The following USH1C variants were observed in gnomAD, a reference collection of about 807,000 sequenced individuals.
USH1C encodes harmonin.
Under a neutral mutation model 119.3 loss-of-function variants are expected in USH1C, and 90 were observed. The observed-to-expected ratio is 0.75, with a 90% CI of 0.64 to 0.90. The LOEUF is 0.90. USH1C is among the 40% of genes least tolerant of loss of function. The probability of loss-of-function intolerance (pLI) is 0.00; values close to 1 mark genes in which losing one functional copy is unlikely to be tolerated. For synonymous variants in USH1C, 465 were observed against 443.3 expected (o/e 1.05, Z -0.62); for missense variants, 1,165 against 1,167.7 (o/e 1.00, Z 0.03).
chr11:17,494,349 T>C lies in USH1C; in HGVS notation c.2683A>G (p.Asn895Asp), dbSNP rs1213699585. The C allele has an allele frequency of 8.1e-6, 13 of 1,607,218 alleles. No homozygotes were observed. Among genetic ancestry groups the C allele is most frequent in the Non-Finnish European group, 9.3e-6 (11 of 1,176,716 alleles). ...TDLLLKSKRG[N>D]QIHR is the part of the protein sequence containing the mutation. ...ACTGTTTCCTAACGGTGAATTTGGTTTCCCCTTTTGGACTTCAGAAGAAGG... is the reference window on the plus strand; with the variant it reads ...ACTGTTTCCTAACGGTGAATTTGGTCTCCCCTTTTGGACTTCAGAAGAAGG... Residue 895 changes from asparagine (N) to aspartate (D), a missense_variant, in exon 27 of 27, where the codon AAC becomes GAC. Transcript: ENST00000005226.
In USH1C at chr11:17,537,348, G is replaced by T. The variant is rs141785008; in HGVS notation, c.37-4026C>A. Among the ~76,000 whole-genome samples, 6 of 152,276 alleles carry T rather than the reference G, an allele frequency of 3.9e-5. 1 individual carries two copies. The highest frequency in any genetic ancestry group is 1.4e-4 in the African/African-American group (6 of 41,560). On this transcript the variant is annotated intron_variant, in intron 1 of 26. Coordinates refer to ENST00000005226, the MANE Select transcript of USH1C (RefSeq NM_153676.4). ...CAGGTACATACGAAGCACTAGGCAC[G>T]CAGTAAATCTCCCACACTCCTTTCT...
intron 1 of USH1C, among the ~76,000 whole-genome samples, chr11:17,539,005 C>T (rs1337703889): frequency 6.6e-6 from 1 of 152,180 alleles, no homozygotes; most frequent in East Asian, 1.9e-4. Context: ...AGAACCTGTT[C>T]ATAAAGCTTT....
At chr11:17,498,927 A>T (rs906075644) in intron 23 of USH1C, among the ~76,000 whole-genome samples, 2 of 152,236 alleles carry the variant, frequency 1.3e-5, no homozygotes, top group African/African-American at 4.8e-5. Context: ...CCCAGCACTT[A>T]ACATAATGCC....
intron 1 of USH1C, among the ~76,000 whole-genome samples, chr11:17,543,743 T>A (rs901591284): frequency 1.1e-4 from 16 of 152,006 alleles, no homozygotes; most frequent in African/African-American, 3.9e-4. Flanking sequence ...CAGCACCAGC[T>A]CCTCAGCTAC....
chr11:17,515,292 C>T (rs3765643), intron 15 of USH1C, among the ~76,000 whole-genome samples: 108,980 of 151,766 alleles, frequency 0.72, 39,155 homozygotes, highest in South Asian at 0.81. Context: ...TATACAAATC[C>T]TGATAGATGT....
intron 1 of USH1C, among the ~76,000 whole-genome samples, chr11:17,537,570 T>C (rs1851279408): frequency 1.3e-5 from 2 of 152,168 alleles, no homozygotes; most frequent in South Asian, 2.1e-4. Context: ...ATATTCTGGG[T>C]CTGCCTCCCC....
Position 17,494,258 on chromosome 11 carries a change from G to A in USH1C, c.*74C>T, listed in dbSNP as rs1371447617. The A allele has an allele frequency of 7.3e-6, 11 of 1,514,446 alleles. No individual in the cohort carries two copies. Among genetic ancestry groups the A allele is most frequent in the Non-Finnish European group, 2.7e-6 (3 of 1,106,850 alleles). 93.8% of individuals were successfully genotyped at this position (1,514,446 alleles called of 1,614,324 possible). On this transcript the variant is annotated 3_prime_UTR_variant, in exon 27 of 27. Coordinates refer to ENST00000005226, the MANE Select transcript of USH1C (RefSeq NM_153676.4). ...TCAGGTCCCAAGGATGCCATCTGGT[G>A]TGTGTAGTGTGGCCTCTCTCAAGGC...
intron 15 of USH1C, 122 bp from the exon 16 acceptor site, chr11:17,512,176 C>T: frequency 9.0e-7 from 1 of 1,116,096 alleles, no homozygotes; most frequent in South Asian, 1.3e-5. Context: ...CCCCAGCTCT[C>T]TCACCACTCT....
Position 17,523,545 on chromosome 11 carries a change from G to A in USH1C, c.760-67C>T. On this transcript the variant is annotated intron_variant, in intron 9 of 26. Coordinates refer to ENST00000005226, the MANE Select transcript of USH1C (RefSeq NM_153676.4). ...TGTACACTCGCTCATCTGCAGGACA[G>A]GCTCCCCCAGGGGCTCTGGGTCAGA... The A allele has an allele frequency of 4.7e-6, 7 of 1,491,742 alleles. No homozygotes were observed. The South Asian group carries it at 8.1e-5, about 17-fold the overall frequency. 92.4% of individuals were successfully genotyped at this position (1,491,742 alleles called of 1,614,324 possible).
At chr11:17,532,159 C>T (rs12287965) in intron 2 of USH1C, among the ~76,000 whole-genome samples, 10,132 of 152,218 alleles carry the variant, frequency 0.067, 571 homozygotes, top group Middle Eastern at 0.099. Context: ...TTATGATCTC[C>T]GTGCCCTCCC....
rs200490320 is a variant in USH1C, at chr11:17,521,007, C to T, written c.1086-13G>A. ...CTCCTCTACAATCCTAAAATGAGAC[C>T]CCCATGCCTGTTACTGGAGTCAGAA... On this transcript the variant is annotated splice_polypyrimidine_tract_variant and intron_variant, in intron 13 of 26. Transcript: ENST00000005226. The T allele has an allele frequency of 6.2e-7, 1 of 1,613,900 alleles. No individual in the cohort carries two copies. Among genetic ancestry groups the T allele is most frequent in the African/African-American group, 1.3e-5 (1 of 75,010 alleles).
In USH1C at chr11:17,531,512, G is replaced by T. The variant is rs140319839; in HGVS notation, c.135C>A (p.Asp45Glu). The T allele has an allele frequency of 1.9e-6, 3 of 1,613,606 alleles. No homozygotes were observed. In the African/African-American group the frequency reaches 4.0e-5, roughly 22 times the overall value. ...TGGGTTCATTGATGACCAGCTTCAG[G>T]TCTCCCACGAGCACGGCCACGTCCA... is the stretch of plus-strand genomic sequence containing the variant. ...QTMDVAVLVG[D>E]LKLVINEPSR... is the part of the protein sequence containing the mutation. The change falls in exon 3 of 27, where the codon GAC becomes GAA. Residue 45 changes from aspartate to glutamate, a missense_variant. Transcript: ENST00000005226. The surrounding 1 kb of genome is among the most constrained non-coding windows in gnomAD (Gnocchi z 4.2).
At chr11:17,515,867 G>A (rs1850120902) in intron 15 of USH1C, among the ~76,000 whole-genome samples, 1 of 152,178 alleles carries the variant, frequency 6.6e-6, no homozygotes, top group South Asian at 2.1e-4. Flanking sequence ...ACATGCACTA[G>A]GTACACCCAC....
rs1046028494 is a variant in USH1C at position 17,544,408 on chromosome 11, C to G, written c.-101G>C. The stretch of plus-strand genomic sequence containing the variant: ...CGCGACCGCGACCGGGCCAGCCGCC[C>G]TCGGAGCTGGGGGCGGGGCCTGAGC... On this transcript the variant is annotated 5_prime_UTR_variant, in exon 1 of 27. Transcript: ENST00000005226. 5 of 1,558,688 alleles carry G rather than the reference C, an allele frequency of 3.2e-6. No individual in the cohort carries two copies. Among genetic ancestry groups the G allele is most frequent in the Non-Finnish European group, 4.4e-6 (5 of 1,139,196 alleles).
At chr11:17,516,961 C>T (rs565619934) in intron 14 of USH1C, among the ~76,000 whole-genome samples, 3 of 152,122 alleles carry the variant, frequency 2.0e-5, no homozygotes, top group Non-Finnish European at 4.4e-5. Context: ...AGTAATACCC[C>T]CAATCTGAAG....
intron 7 of USH1C, 121 bp from the exon 8 acceptor site, chr11:17,526,562 C>T: frequency 1.8e-6 from 2 of 1,131,036 alleles, no homozygotes; most frequent in Non-Finnish European, 2.6e-6. Context: ...ATCATTCCGT[C>T]CCTGGGGATG....
intron 11 of USH1C, 26 bp from the exon 12 acceptor site, chr11:17,522,952 C>G (rs749942765): frequency 6.2e-7 from 1 of 1,604,432 alleles, no homozygotes; most frequent in African/African-American, 1.3e-5. Flanking sequence ...AGGCCCCTTG[C>G]TCAGCCCCCG....
At chr11:17,521,474 T>G in intron 12 of USH1C, 63 bp from the exon 13 acceptor site, 2 of 1,537,020 alleles carry the variant, frequency 1.3e-6, no homozygotes, top group Non-Finnish European at 1.8e-6. Context: ...TCTTCCTTAC[T>G]GTGAATTCTT....
chr11:17,506,968 A>G (rs1365854790), intron 18 of USH1C, among the ~76,000 whole-genome samples: 1 of 152,248 alleles, frequency 6.6e-6, no homozygotes, highest in Admixed American at 6.5e-5. Context: ...GAATGAATAA[A>G]TGAATGACTA....
Sources: gnomAD v4.1 joint callset for allele counts (sites outside exome capture counted in the v4.1 genomes callset) on GRCh38, gnomAD v4.1.1 for gene constraint, Gnocchi (gnomAD v3.1) non-coding constraint, MANE v1.5 for transcripts, NCBI Gene and HGNC (gene_info 2026-07-23, HGNC 2026-07-21) for gene names.